Variants in PYROXD1 observed in about 807,000 individuals in gnomAD.
The protein encoded by PYROXD1 is pyridine nucleotide-disulphide oxidoreductase domain 1.
A neutral mutation model predicts 62.0 loss-of-function variants in PYROXD1; 42 were observed. The observed-to-expected ratio is 0.68, with a 90% CI of 0.53 to 0.88. PYROXD1 has a LOEUF of 0.88. Ranked by LOEUF, PYROXD1 falls within the 40% of genes least tolerant of loss-of-function variation. The probability of loss-of-function intolerance (pLI) is 0.00; values close to 1 mark genes in which losing one functional copy is unlikely to be tolerated. For synonymous variants in PYROXD1, 170 were observed against 206.4 expected, an observed-to-expected ratio of 0.82 and a Z score of 1.51; for missense variants, 493 against 604.8, an observed-to-expected ratio of 0.82 and a Z score of 1.94.
In PYROXD1 at chr12:21,456,342, T is replaced by C. The variant is rs560594603; in HGVS notation, c.750+247T>C. On this transcript the variant is annotated intron_variant, in intron 7 of 11. Transcript: ENST00000240651. ...TCTTGAGGTGTGATACTGTAATATA[T>C]ATACAGTCATACCTTGGAGTATTGC... Among the ~76,000 whole-genome samples the C allele has an allele frequency of 4.6e-5, 7 of 152,208 alleles. No homozygotes were observed. In the South Asian group the frequency reaches 1.5e-3, roughly 32 times the overall value.
chr12:21,458,959 T>C (rs1442372215), intron 7 of PYROXD1, among the ~76,000 whole-genome samples: 1 of 152,230 alleles, frequency 6.6e-6, no homozygotes, highest in Non-Finnish European at 1.5e-5. Flanking sequence ...ACTTGCTTGA[T>C]GTGGGTTTGT....
rs570520889 is a variant in PYROXD1 at position 21,470,073 on chromosome 12, A to C, written c.*1319A>C. ...AGATCTTCAGAGATAAGCTCTGAAA[A>C]TATAGATCCATACATATAAAATATC... is the stretch of plus-strand genomic sequence containing the variant. On this transcript the variant is annotated 3_prime_UTR_variant, in exon 12 of 12. Transcript: ENST00000240651. The C allele has an allele frequency of 3.0e-4, 208 of 687,452 alleles. 1 individual carries two copies. In the African/African-American group the frequency reaches 3.2e-3, roughly 10 times the overall value. The allele number at this position is 687,452 out of a possible 1,614,324, so 42.6% of individuals were successfully genotyped here. A position where few individuals can be genotyped will look rare whatever the true frequency, so the allele number is the denominator to read the frequency against.
chr12:21,437,915 C>T, intron 1 of PYROXD1, 101 bp downstream of exon 1: 1 of 1,120,768 alleles, frequency 8.9e-7, no homozygotes, highest in Non-Finnish European at 1.2e-6. Flanking sequence ...CTTCCGGGTT[C>T]CTTTTTTGCT....
chr12:21,470,472 C>T lies in PYROXD1; in HGVS notation c.*1718C>T. The T allele has an allele frequency of 9.5e-7, 1 of 1,050,402 alleles. No individual in the cohort carries two copies. The highest frequency in any genetic ancestry group is 2.8e-5 in the East Asian group (1 of 35,712). The allele number at this position is 1,050,402 out of a possible 1,614,324, so 65.1% of individuals were successfully genotyped here. ...GTTGGCTTTTTAAGTATACAGGGGT[C>T]TAGTTTTTTATCTACAAATTTCTAT... is the stretch of plus-strand genomic sequence containing the variant. On this transcript the variant is annotated 3_prime_UTR_variant, in exon 12 of 12. Coordinates refer to ENST00000240651, the MANE Select transcript of PYROXD1 (RefSeq NM_024854.5).
Position 21,462,078 on chromosome 12 carries a change from A to T in PYROXD1, c.951A>T (p.Thr317=). ...IYGCDFIVSA[T]GVTPNVEPFL... is the part of the protein sequence containing the mutation. ...GCTGCGATTTCATTGTCAGTGCTAC[A>T]GGAGTTACACCAAATGTAGAACCTT... The change falls in exon 9 of 12, where the codon ACA becomes ACT. Residue 317 remains threonine, a synonymous_variant. Coordinates refer to ENST00000240651, the MANE Select transcript of PYROXD1 (RefSeq NM_024854.5). 6.2e-7 allele frequency: 1 copy of T among 1,613,138 alleles called. No individual in the cohort carries two copies. Among genetic ancestry groups the T allele is most frequent in the Non-Finnish European group, 8.5e-7 (1 of 1,179,424 alleles).
chr12:21,437,924 C>T (rs2137232772), intron 1 of PYROXD1, 110 bp downstream of exon 1: 2 of 1,019,592 alleles, frequency 2.0e-6, no homozygotes, highest in East Asian at 2.6e-5. Flanking sequence ...TCCTTTTTTG[C>T]TGCGCCCTTT....
rs112588964 is a variant in PYROXD1 at position 21,444,994 on chromosome 12, A to G, written c.166-353A>G. ...AGAAGAGTGCAAAGACTAGATGACC[A>G]TAAGGTCTGCTAGTAAATAGAGAAA... On this transcript the variant is annotated intron_variant, in intron 2 of 11. Transcript: ENST00000240651. Among the ~76,000 whole-genome samples the G allele has an allele frequency of 1.1e-3, 161 of 152,374 alleles. 1 individual carries two copies. The highest frequency in any genetic ancestry group is 3.6e-3 in the African/African-American group (148 of 41,600).
intron 7 of PYROXD1, among the ~76,000 whole-genome samples, chr12:21,458,566 G>T (rs1462451381): frequency 1.3e-5 from 2 of 152,140 alleles, no homozygotes; most frequent in Non-Finnish European, 2.9e-5. Context: ...AATAATCATT[G>T]CTACCTTTTG....
chr12:21,448,084 T>C (rs1942426412), intron 3 of PYROXD1: 6 of 613,000 alleles, frequency 9.8e-6, no homozygotes, highest in Admixed American at 2.1e-5. Context: ...GCTGGGCCAC[T>C]CAACATGGCT....
chr12:21,445,536 C>T, intron 3 of PYROXD1, 70 bp downstream of exon 3: 1 of 1,421,750 alleles, frequency 7.0e-7, no homozygotes. Context: ...TGCCTCTTTT[C>T]ACTCCAGCTC....
rs932481659 is a variant in PYROXD1 at position 21,455,462 on chromosome 12, T to A, written c.649+170T>A. 1.0e-4 allele frequency among the ~76,000 whole-genome samples: 15 copies of A among 148,406 alleles called. No homozygotes were observed. In the East Asian group the frequency reaches 2.7e-3, roughly 27 times the overall value. ...TCTATTTTATATATATGTATGTATT[T>A]TATATATATATATATAATTAAAACA... is the stretch of plus-strand genomic sequence containing the variant. On this transcript the variant is annotated intron_variant, in intron 6 of 11. Transcript: ENST00000240651.
At chr12:21,467,317 C>A (rs79913232) in intron 10 of PYROXD1, 164 bp from the exon 11 acceptor site, 2 of 535,348 alleles carry the variant, frequency 3.7e-6, no homozygotes, top group South Asian at 3.7e-5. Context: ...TTAACAAATA[C>A]CAAAAATCAG....
In PYROXD1 at chr12:21,471,089, G is replaced by A; in HGVS notation, c.*2335G>A. ...AAATGGTAGCATAAGCTGTAAAACT[G>A]TAGTCTTCTCTGCAGAAAATAAAGG... is the stretch of plus-strand genomic sequence containing the variant. On this transcript the variant is annotated 3_prime_UTR_variant, in exon 12 of 12. Transcript: ENST00000240651. 3 of 1,580,870 alleles carry A rather than the reference G, an allele frequency of 1.9e-6. No homozygotes were observed. Among genetic ancestry groups the A allele is most frequent in the Non-Finnish European group, 2.6e-6 (3 of 1,169,190 alleles).
At chr12:21,438,133 C>T (rs1466794766) in intron 1 of PYROXD1, 2 of 315,916 alleles carry the variant, frequency 6.3e-6, no homozygotes, top group Non-Finnish European at 1.2e-5. Context: ...AGCCCCCTTT[C>T]TTTTTATTTT....
intron 7 of PYROXD1, among the ~76,000 whole-genome samples, chr12:21,456,308 C>T (rs113647958): frequency 2.1e-4 from 32 of 152,190 alleles, no homozygotes; most frequent in African/African-American, 7.7e-4. Context: ...TCTCAGCCTA[C>T]GTTTTAACTC....
chr12:21,447,061 A>G (rs1314510773), intron 3 of PYROXD1, among the ~76,000 whole-genome samples: 1 of 152,238 alleles, frequency 6.6e-6, no homozygotes, highest in Admixed American at 6.5e-5. Context: ...AACCCTTTAC[A>G]TGAGAATGAA....
chr12:21,461,650 G>A (rs80185743), intron 8 of PYROXD1, among the ~76,000 whole-genome samples: 4,460 of 152,166 alleles, frequency 0.029, 179 homozygotes, highest in African/African-American at 0.091. Context: ...GAGTAGTGAG[G>A]GAAGACACCT....
chr12:21,456,515 A>G (rs961058229), intron 7 of PYROXD1, among the ~76,000 whole-genome samples: 1 of 152,218 alleles, frequency 6.6e-6, no homozygotes, highest in Non-Finnish European at 1.5e-5. Context: ...TAAAAATACA[A>G]TGCACATAAC....
At chr12:21,449,086 G>T (rs74325975) in intron 3 of PYROXD1, among the ~76,000 whole-genome samples, 5,409 of 152,052 alleles carry the variant, frequency 0.036, 145 homozygotes, top group Non-Finnish European at 0.052. Context: ...ACTCATAATA[G>T]ATATGAAGGT....
Sources: allele counts gnomAD v4.1 joint callset (sites outside exome capture counted in the v4.1 genomes callset), GRCh38; gene constraint gnomAD v4.1.1; transcripts MANE v1.5; gene names NCBI Gene and HGNC (gene_info 2026-07-23, HGNC 2026-07-21).